CCDC148: variants seen among roughly 807,000 people sequenced by gnomAD.
CCDC148 encodes the protein coiled-coil domain containing 148, also known as coiled-coil domain-containing protein 148.
Under a neutral mutation model 85.7 loss-of-function variants are expected in CCDC148, and 89 were observed. The ratio of observed to expected loss-of-function variants is 1.04; its 90% CI spans 0.87 to 1.24. The LOEUF is 1.24. CCDC148 is among the 50% of genes most tolerant of loss of function. CCDC148 has a pLI of 0.00. For missense variants in CCDC148, 692 were observed against 671.7 expected (o/e 1.03, Z -0.33); for synonymous variants, 230 against 213.9 (o/e 1.08, Z -0.66).
At chr2:158,365,869 A>C (rs1684178437) in intron 1 of CCDC148, 3 of 597,426 alleles carry the variant, frequency 5.0e-6, no homozygotes, top group Non-Finnish European at 8.8e-6. Context: ...ACCCATTGTA[A>C]AGAACTGGCC....
intron 1 of CCDC148, among the ~76,000 whole-genome samples, chr2:158,386,177 C>T (rs1487398979): frequency 6.6e-6 from 1 of 152,036 alleles, no homozygotes; most frequent in Admixed American, 6.6e-5. Flanking sequence ...CTGTTGCATA[C>T]ATTATAACAC....
chr2:158,198,591 C>G (rs376430640), intron 11 of CCDC148, among the ~76,000 whole-genome samples: 4 of 152,282 alleles, frequency 2.6e-5, no homozygotes, highest in Admixed American at 1.3e-4. Context: ...TGTTTTCTTT[C>G]CTAATGATGC....
intron 7 of CCDC148, among the ~76,000 whole-genome samples, chr2:158,325,745 A>C (rs559707440): frequency 6.6e-6 from 1 of 152,264 alleles, no homozygotes; most frequent in Non-Finnish European, 1.5e-5. Flanking sequence ...AGTTGATGGC[A>C]ACTCCATCCT....
intron 1 of CCDC148, among the ~76,000 whole-genome samples, chr2:158,374,482 T>A (rs1467525975): frequency 6.6e-6 from 1 of 151,884 alleles, no homozygotes; most frequent in Non-Finnish European, 1.5e-5. Flanking sequence ...TATATAAACA[T>A]TAACAGACTT....
chr2:158,341,451 C>T (rs1289129415), intron 3 of CCDC148, among the ~76,000 whole-genome samples: 1 of 151,954 alleles, frequency 6.6e-6, no homozygotes, highest in African/African-American at 2.4e-5. Flanking sequence ...GAACTACAGG[C>T]ATGTGACACC....
At chr2:158,405,023 G>A (rs774797502) in intron 1 of CCDC148, among the ~76,000 whole-genome samples, 6 of 152,144 alleles carry the variant, frequency 3.9e-5, no homozygotes, top group South Asian at 2.1e-4. Context: ...GTTAAAAGGC[G>A]TTGTGGGCAG....
intron 9 of CCDC148, among the ~76,000 whole-genome samples, chr2:158,251,447 T>C (rs2105142541): frequency 6.6e-6 from 1 of 151,974 alleles, no homozygotes; most frequent in Non-Finnish European, 1.5e-5. Flanking sequence ...CTACAGCCTT[T>C]CTATTGGGTA....
chr2:158,429,388 G>A (rs147910709), intron 1 of CCDC148, among the ~76,000 whole-genome samples: 20 of 152,138 alleles, frequency 1.3e-4, no homozygotes, highest in Admixed American at 7.2e-4. Context: ...TAGATAGATA[G>A]ATAGATAGAT....
intron 1 of CCDC148, among the ~76,000 whole-genome samples, chr2:158,382,845 C>T (rs186485340): frequency 1.9e-4 from 29 of 151,198 alleles, no homozygotes; most frequent in Non-Finnish European, 2.9e-4. Flanking sequence ...GGCTTGAATC[C>T]GGGAGACAGA....
At chr2:158,184,070 T>C (rs547022430) in intron 11 of CCDC148, among the ~76,000 whole-genome samples, 4 of 152,246 alleles carry the variant, frequency 2.6e-5, no homozygotes, top group South Asian at 2.1e-4. Context: ...ATCACTCCTC[T>C]AACCACACGG....
chr2:158,171,952 T>C lies in CCDC148; in HGVS notation c.*161A>G. 1 of 555,944 alleles carries C rather than the reference T, an allele frequency of 1.8e-6. No individual in the cohort carries two copies. The highest frequency in any genetic ancestry group is 3.1e-6 in the Non-Finnish European group (1 of 326,650). 34.4% of individuals were successfully genotyped at this position (555,944 alleles called of 1,614,324 possible). On this transcript the variant is annotated 3_prime_UTR_variant, in exon 14 of 14. Transcript: ENST00000283233. ...TTAAAGATACAGGAAATATAGTGCA[T>C]AAAATTCTAAGAATCACAAAAGAAA... is the stretch of plus-strand genomic sequence containing the variant.
At chr2:158,383,625 T>C (rs1684968900) in intron 1 of CCDC148, among the ~76,000 whole-genome samples, 3 of 152,158 alleles carry the variant, frequency 2.0e-5, no homozygotes, top group South Asian at 2.1e-4. Context: ...CACAGACTTA[T>C]AGAAAAGTTG....
At chr2:158,447,712 C>T (rs1051234521) in intron 1 of CCDC148, among the ~76,000 whole-genome samples, 2 of 152,116 alleles carry the variant, frequency 1.3e-5, no homozygotes, top group Non-Finnish European at 2.9e-5. Flanking sequence ...GGTGAAATCT[C>T]TATTAAAACA....
intron 1 of CCDC148, among the ~76,000 whole-genome samples, chr2:158,380,142 T>C (rs1298437004): frequency 6.6e-6 from 1 of 152,084 alleles, no homozygotes; most frequent in Non-Finnish European, 1.5e-5. Context: ...ATTTTAGAGA[T>C]TTATCCCAAG....
chr2:158,350,227 A>G (rs1683192834), intron 2 of CCDC148, among the ~76,000 whole-genome samples: 1 of 152,218 alleles, frequency 6.6e-6, no homozygotes, highest in African/African-American at 2.4e-5. Flanking sequence ...CACAATAATT[A>G]AAAATCTGAA....
At chr2:158,266,901 TATATAC>T (rs1689482741) in intron 9 of CCDC148, among the ~76,000 whole-genome samples, 1 of 128,396 alleles carries the variant, frequency 7.8e-6, no homozygotes, top group Non-Finnish European at 1.8e-5. Context: ...TTTACATATA[TATATAC>T]ACACACATAT....
At chr2:158,397,828 A>G (rs1462663880) in intron 1 of CCDC148, among the ~76,000 whole-genome samples, 2 of 152,160 alleles carry the variant, frequency 1.3e-5, no homozygotes, top group East Asian at 3.9e-4. Context: ...TAAGAGACAC[A>G]GACTAGCAAA....
intron 9 of CCDC148, chr2:158,288,768 C>G (rs994463514): frequency 2.5e-5 from 10 of 404,980 alleles, no homozygotes; most frequent in Non-Finnish European, 4.9e-5. Flanking sequence ...TTCAGCAACA[C>G]TTCACTCTAC....
intron 10 of CCDC148, among the ~76,000 whole-genome samples, chr2:158,248,481 G>T (rs1688660193): frequency 1.3e-5 from 2 of 152,124 alleles, no homozygotes; most frequent in African/African-American, 4.8e-5. Context: ...CTACACAATT[G>T]CTAGGGTTTG....
Sources: allele counts gnomAD v4.1 joint callset (sites outside exome capture counted in the v4.1 genomes callset), GRCh38; gene constraint gnomAD v4.1.1; transcripts MANE v1.5; gene names NCBI Gene and HGNC (gene_info 2026-07-23, HGNC 2026-07-21).